TMEM192: variants seen among roughly 807,000 people sequenced by gnomAD.
TMEM192 encodes the protein transmembrane protein 192.
Under a neutral mutation model 26.7 loss-of-function variants are expected in TMEM192, and 20 were observed. The ratio of observed to expected loss-of-function variants is 0.75; its 90% CI spans 0.53 to 1.09. The LOEUF is 1.09. TMEM192 is among the 50% of genes least tolerant of loss of function. The probability of loss-of-function intolerance (pLI) is 0.00; values close to 1 mark genes in which losing one functional copy is unlikely to be tolerated. For synonymous variants in TMEM192, 124 were observed against 121.0 expected (o/e 1.02, Z -0.16); for missense variants, 304 against 322.6 (o/e 0.94, Z 0.44).
chr4:165,079,766 T>C lies in TMEM192; in HGVS notation c.708A>G (p.Glu236=). 1 of 1,613,962 alleles carries C rather than the reference T, an allele frequency of 6.2e-7. No homozygotes were observed. Among genetic ancestry groups the C allele is most frequent in the Non-Finnish European group, 8.5e-7 (1 of 1,179,936 alleles). ...RTISSLEEIV[E]KQGDTIEYLK... is the part of the protein sequence containing the mutation. ...GGTATTCAATGGTGTCTCCTTGCTT[T>C]TCAACAATTTCTTCTAGGCTTGAAA... Residue 236 remains glutamate, a synonymous_variant, in exon 6 of 6, where the codon GAA becomes GAG. Coordinates refer to ENST00000306480, the MANE Select transcript of TMEM192 (RefSeq NM_001100389.2).
At chr4:165,103,139 A>G (rs778510088) in intron 1 of TMEM192, 43 bp from the exon 2 acceptor site, 1 of 1,533,286 alleles carries the variant, frequency 6.5e-7, no homozygotes, top group Non-Finnish European at 8.8e-7. Flanking sequence ...ACCACTTTCT[A>G]GATTATGTTT....
chr4:165,112,833 C>T lies in TMEM192; in HGVS notation c.-60G>A. On this transcript the variant is annotated 5_prime_UTR_variant, in exon 1 of 6. Coordinates refer to ENST00000306480, the MANE Select transcript of TMEM192 (RefSeq NM_001100389.2). ...CGGCCTCTCCACCTGGACCTGTAAG[C>T]CTCTGGCCGCGAAACTCGCCACCTT... 1.3e-6 allele frequency: 2 copies of T among 1,579,376 alleles called. No homozygotes were observed. Among genetic ancestry groups the T allele is most frequent in the Non-Finnish European group, 8.6e-7 (1 of 1,168,110 alleles).
intron 3 of TMEM192, among the ~76,000 whole-genome samples, chr4:165,090,313 G>T (rs573921221): frequency 1.3e-5 from 2 of 150,768 alleles, no homozygotes; most frequent in Admixed American, 6.6e-5. Context: ...AACCCGGGGG[G>T]CAGAGTTTGC....
rs1734337429 is a variant in TMEM192, at chr4:165,074,728, C to A, written c.*4930G>T. 6.6e-6 allele frequency: 1 copy of A among 151,848 alleles called. No individual in the cohort carries two copies. Among genetic ancestry groups the A allele is most frequent in the South Asian group, 2.1e-4 (1 of 4,800 alleles). 9.4% of individuals were successfully genotyped at this position (151,848 alleles called of 1,614,324 possible). A position where few individuals can be genotyped will look rare whatever the true frequency, so the allele number is the denominator to read the frequency against. ...AAAGTGCTGGAATTACCGGTGTGAG[C>A]CACTGCGCCCAGCCTTAATTTTGTA... On this transcript the variant is annotated 3_prime_UTR_variant, in exon 6 of 6. Coordinates refer to ENST00000306480, the MANE Select transcript of TMEM192 (RefSeq NM_001100389.2).
In TMEM192 at chr4:165,099,102, C is replaced by CTTTTTTT. The variant is rs1160535314; in HGVS notation, c.439+1519_439+1525dup. On this transcript the variant is annotated intron_variant, in intron 3 of 5. Coordinates refer to ENST00000306480, the MANE Select transcript of TMEM192 (RefSeq NM_001100389.2). ...TTATTTACTACAACTTTTTTTCTTT[C>CTTTTTTT]TTTTTTTTTTTTTTTTTTTTGAGAT... Among the ~76,000 whole-genome samples the CTTTTTTT allele has an allele frequency of 2.9e-4, 36 of 126,196 alleles. 1 individual carries two copies. Among genetic ancestry groups the CTTTTTTT allele is most frequent in the Non-Finnish European group, 3.9e-4 (24 of 61,350 alleles). The allele number at this position is 126,196 out of a possible 152,430, so 82.8% of individuals were successfully genotyped here.
intron 1 of TMEM192, among the ~76,000 whole-genome samples, chr4:165,106,024 A>G (rs1735151886): frequency 1.3e-5 from 2 of 152,166 alleles, no homozygotes; most frequent in South Asian, 4.1e-4. Flanking sequence ...ACCCCTCCCC[A>G]GGGCTCTTGG....
chr4:165,112,229 G>C (rs1375202303), intron 1 of TMEM192, among the ~76,000 whole-genome samples: 1 of 152,142 alleles, frequency 6.6e-6, no homozygotes, highest in East Asian at 1.9e-4. Flanking sequence ...ACAGGTCTGC[G>C]GGACGCTGGC....
Position 165,106,415 on chromosome 4 carries a change from T to C in TMEM192, c.28-3319A>G, listed in dbSNP as rs150624068. Among the ~76,000 whole-genome samples the C allele has an allele frequency of 5.1e-3, 774 of 152,298 alleles. 12 individuals carry two copies. The highest frequency in any genetic ancestry group is 0.018 in the African/African-American group (742 of 41,566). The stretch of plus-strand genomic sequence containing the variant: ...CTCAAAAACTTTGGGTAGCTCCCTA[T>C]GATGGTCAATATTAAGTGTCAAATG... On this transcript the variant is annotated intron_variant, in intron 1 of 5. Transcript: ENST00000306480.
intron 1 of TMEM192, among the ~76,000 whole-genome samples, chr4:165,105,130 C>G (rs1395711601): frequency 6.6e-6 from 1 of 152,172 alleles, no homozygotes; most frequent in Non-Finnish European, 1.5e-5. Context: ...CTGTGATGGT[C>G]TCTTACTTAT....
At chr4:165,088,381 C>T in intron 4 of TMEM192, 87 bp downstream of exon 4, 1 of 1,377,018 alleles carries the variant, frequency 7.3e-7, no homozygotes, top group Non-Finnish European at 9.9e-7. Context: ...CAGAGAACTT[C>T]CTTGTCGCTA....
rs892463110 is a variant in TMEM192, at chr4:165,073,790, C to T, written c.*5868G>A. ...ACTGAAATGTTTGTGTAAAGAGAAA[C>T]GTAAATCTAGCCTACATGCACATCC... is the stretch of plus-strand genomic sequence containing the variant. On this transcript the variant is annotated 3_prime_UTR_variant, in exon 6 of 6. Coordinates refer to ENST00000306480, the MANE Select transcript of TMEM192 (RefSeq NM_001100389.2). The T allele has an allele frequency of 3.9e-5, 6 of 152,054 alleles. No individual in the cohort carries two copies. Among genetic ancestry groups the T allele is most frequent in the East Asian group, 1.9e-4 (1 of 5,190 alleles). The allele number at this position is 152,054 out of a possible 1,614,324, so 9.4% of individuals were successfully genotyped here.
intron 3 of TMEM192, among the ~76,000 whole-genome samples, chr4:165,090,837 G>A (rs1338827059): frequency 2.1e-5 from 3 of 143,082 alleles, no homozygotes; most frequent in East Asian, 2.3e-4. Context: ...CCGGAAGGTG[G>A]AGGTTGCAGT....
chr4:165,110,455 C>T (rs1173964496), intron 1 of TMEM192, among the ~76,000 whole-genome samples: 1 of 152,206 alleles, frequency 6.6e-6, no homozygotes, highest in Non-Finnish European at 1.5e-5. Flanking sequence ...CACGGTGGCT[C>T]ACGCCTGTAA....
intron 4 of TMEM192, 104 bp from the exon 5 acceptor site, chr4:165,085,792 T>C: frequency 1.3e-6 from 1 of 785,858 alleles, no homozygotes; most frequent in Non-Finnish European, 2.0e-6. Context: ...CCTTGAGTAT[T>C]TCAAATTCTA....
chr4:165,097,675 A>G (rs1462632185), intron 3 of TMEM192, among the ~76,000 whole-genome samples: 2 of 148,046 alleles, frequency 1.4e-5, no homozygotes, highest in South Asian at 2.1e-4. Context: ...AGTGTGGTGC[A>G]TAATCATAGC....
intron 5 of TMEM192, among the ~76,000 whole-genome samples, chr4:165,085,044 G>A (rs1199084886): frequency 2.0e-5 from 3 of 152,104 alleles, no homozygotes; most frequent in Non-Finnish European, 4.4e-5. Context: ...GGAGGCTGAG[G>A]CGGGCGGATC....
chr4:165,080,793 C>T (rs2111259875), intron 5 of TMEM192, among the ~76,000 whole-genome samples: 1 of 152,216 alleles, frequency 6.6e-6, no homozygotes, highest in Admixed American at 6.5e-5. Context: ...CTGCTCACTG[C>T]AACCTGCACC....
rs28608647 is a variant in TMEM192 at position 165,072,214 on chromosome 4, A to G, written c.*7444T>C. 128,507 of 151,114 alleles carry G rather than the reference A, an allele frequency of 0.85. 55,699 individuals are homozygous for G. The highest frequency in any genetic ancestry group is 0.94 in the East Asian group (4,775 of 5,094). The allele number at this position is 151,114 out of a possible 1,614,324, so 9.4% of individuals were successfully genotyped here. The stretch of plus-strand genomic sequence containing the variant: ...CTCCAGCCTGTGCGACACGAGTGAG[A>G]CTCCATCTCAAGAAAAAAGAAAGAA... On this transcript the variant is annotated 3_prime_UTR_variant, in exon 6 of 6. Transcript: ENST00000306480.
At chr4:165,106,899 T>C (rs527531842) in intron 1 of TMEM192, among the ~76,000 whole-genome samples, 1 of 152,278 alleles carries the variant, frequency 6.6e-6, no homozygotes, top group South Asian at 2.1e-4. Context: ...TATACATATA[T>C]CCTATTGGTT....
Sources: gnomAD v4.1 joint callset for allele counts (sites outside exome capture counted in the v4.1 genomes callset) on GRCh38, gnomAD v4.1.1 for gene constraint, MANE v1.5 for transcripts, NCBI Gene and HGNC (gene_info 2026-07-23, HGNC 2026-07-21) for gene names.